The following VPS13C variants were observed in gnomAD, a reference collection of about 807,000 sequenced individuals.
The protein encoded by VPS13C is intermembrane lipid transfer protein VPS13C.
VPS13C carries 358 observed loss-of-function variants against 456.8 expected under a neutral mutation model. The ratio of observed to expected loss-of-function variants is 0.78; its 90% CI spans 0.72 to 0.86. VPS13C has a LOEUF of 0.86. VPS13C is among the 40% of genes least tolerant of loss of function. The pLI is 0.00. For synonymous variants in VPS13C, 1,578 were observed against 1,486.7 expected (o/e 1.06, Z -1.41); for missense variants, 4,818 against 4,385.4 (o/e 1.10, Z -2.79).
chr15:62,038,217 C>T (rs1052507827), intron 3 of VPS13C, among the ~76,000 whole-genome samples: 4 of 152,092 alleles, frequency 2.6e-5, no homozygotes, highest in Non-Finnish European at 5.9e-5. Flanking sequence ...ATCTGGACAT[C>T]AGCCTAGGCA....
intron 53 of VPS13C, among the ~76,000 whole-genome samples, chr15:61,924,224 T>G (rs2043765899): frequency 6.6e-6 from 1 of 152,162 alleles, no homozygotes; most frequent in African/African-American, 2.4e-5. Flanking sequence ...TATTATCAGT[T>G]CTGTCTGGAT....
At chr15:61,959,731 C>T in intron 35 of VPS13C, 136 bp from the exon 36 acceptor site, 1 of 787,080 alleles carries the variant, frequency 1.3e-6, no homozygotes, top group Non-Finnish European at 1.9e-6. Flanking sequence ...ATTTTCAAAA[C>T]TGAACCTATA....
intron 14 of VPS13C, 32 bp downstream of exon 14, chr15:62,008,623 C>G (rs776918421): frequency 1.2e-4 from 181 of 1,480,778 alleles, no homozygotes; most frequent in Non-Finnish European, 1.6e-4. Context: ...ATTATATGTT[C>G]CTCACAAAAC....
chr15:62,047,498 C>G (rs1271569068), intron 1 of VPS13C, among the ~76,000 whole-genome samples: 4 of 151,978 alleles, frequency 2.6e-5, no homozygotes, highest in African/African-American at 7.2e-5. Context: ...TGCATACTTC[C>G]TCTTTGAAAA....
At chr15:61,969,174 C>G in intron 28 of VPS13C, 125 bp downstream of exon 28, 1 of 665,128 alleles carries the variant, frequency 1.5e-6, no homozygotes, top group Non-Finnish European at 2.3e-6. Flanking sequence ...TGAGTTATTA[C>G]TTGTAAAGTG....
In VPS13C at chr15:61,867,686, A is replaced by T; in HGVS notation, c.10863+973T>A. On this transcript the variant is annotated intron_variant, in intron 81 of 84. Transcript: ENST00000644861. The surrounding 1 kb of genome is among the most constrained non-coding windows in gnomAD (Gnocchi z 5.0). ...CTTTCATCTATTAAACGCAGAAGAG[A>T]GCTGATTCTCTGCATCCTTTAATAT... is the stretch of plus-strand genomic sequence containing the variant. 7.6e-7 allele frequency: 1 copy of T among 1,316,586 alleles called. No homozygotes were observed. Among genetic ancestry groups the T allele is most frequent in the Non-Finnish European group, 9.7e-7 (1 of 1,032,860 alleles). 81.6% of individuals were successfully genotyped at this position (1,316,586 alleles called of 1,614,324 possible). A position where few individuals can be genotyped will look rare whatever the true frequency, so the allele number is the denominator to read the frequency against.
chr15:61,911,754 G>A (rs2043307813), intron 63 of VPS13C, 86 bp downstream of exon 63: 1 of 1,188,318 alleles, frequency 8.4e-7, no homozygotes, highest in East Asian at 3.0e-5. Context: ...ATGATAGTCT[G>A]AAAAAGAGGT....
At chr15:61,934,091 G>T in intron 49 of VPS13C, 128 bp downstream of exon 49, 1 of 506,004 alleles carries the variant, frequency 2.0e-6, no homozygotes, top group Non-Finnish European at 3.3e-6. Flanking sequence ...CATTCTGTAG[G>T]CCAAATAGAA....
chr15:61,963,885 C>T lies in VPS13C; in HGVS notation c.3281G>A (p.Cys1094Tyr). 1 of 1,612,434 alleles carries T rather than the reference C, an allele frequency of 6.2e-7. No homozygotes were observed. The highest frequency in any genetic ancestry group is 2.2e-5 in the East Asian group (1 of 44,754). The part of the protein sequence containing the change: ...FRLFAKLNAF[C>Y]VIVCNEKNNI... ...GTTCTTTTCGTTGCAAACAATGACACAGAAAGCATTCAACTTGGCAAATAG... is the reference window on the plus strand; with the variant it reads ...GTTCTTTTCGTTGCAAACAATGACATAGAAAGCATTCAACTTGGCAAATAG... The change falls in exon 32 of 85, where the codon TGT becomes TAT. Residue 1094 changes from cysteine to tyrosine, a missense_variant. Coordinates refer to ENST00000644861, the MANE Select transcript of VPS13C (RefSeq NM_020821.3).
chr15:61,977,970 T>G (rs1433813437), intron 23 of VPS13C, among the ~76,000 whole-genome samples: 1 of 152,040 alleles, frequency 6.6e-6, no homozygotes, highest in Non-Finnish European at 1.5e-5. Context: ...ATAACTGTCC[T>G]TTCCTCTAAT....
chr15:61,986,734 A>T (rs2046068591), intron 18 of VPS13C, among the ~76,000 whole-genome samples: 1 of 152,160 alleles, frequency 6.6e-6, no homozygotes, highest in South Asian at 2.1e-4. Context: ...TAAAAATAGA[A>T]AAATGAGAGA....
intron 1 of VPS13C, among the ~76,000 whole-genome samples, chr15:62,056,164 C>T (rs536061345): frequency 6.6e-6 from 1 of 152,306 alleles, no homozygotes; most frequent in South Asian, 2.1e-4. Context: ...GGCGGCAAGC[C>T]ACCCAGGCGC....
At position 62,007,424 on chromosome 15, in the gene VPS13C, T is replaced by G; in HGVS notation, c.1174A>C (p.Met392Leu). Residue 392 changes from methionine to leucine, a missense_variant, in exon 15 of 85, where the codon ATG becomes CTG. Transcript: ENST00000644861. ...LEVHIRRYTQ[M>L]WSWSNIKKHR... The stretch of plus-strand genomic sequence containing the variant: ...TTTTTTATGTTACTCCATGACCACA[T>G]CTGTGTATACCTTCTTATATGAACT... 1.9e-6 allele frequency: 3 copies of G among 1,612,846 alleles called. No homozygotes were observed. Among genetic ancestry groups the G allele is most frequent in the Non-Finnish European group, 2.5e-6 (3 of 1,179,528 alleles).
chr15:61,962,997 G>C (rs946272505), intron 32 of VPS13C, 145 bp from the exon 33 acceptor site: 3 of 521,216 alleles, frequency 5.8e-6, no homozygotes, highest in Non-Finnish European at 9.8e-6. Context: ...TGCAATATTA[G>C]AGTTTTTTGG....
rs535299280 is a variant in VPS13C at position 61,957,743 on chromosome 15, T to C, written c.4165+865A>G. Among the ~76,000 whole-genome samples, 15 of 152,252 alleles carry C rather than the reference T, an allele frequency of 9.9e-5. No homozygotes were observed. The South Asian group carries it at 2.9e-3, about 29-fold the overall frequency. ...AGAAATATACATACTTGTAAAAGTA[T>C]ATGTATGAGGATATTCAATGCAACA... On this transcript the variant is annotated intron_variant, in intron 37 of 84. Coordinates refer to ENST00000644861, the MANE Select transcript of VPS13C (RefSeq NM_020821.3).
At chr15:61,892,657 A>G (rs1187753042) in intron 66 of VPS13C, among the ~76,000 whole-genome samples, 1 of 152,232 alleles carries the variant, frequency 6.6e-6, no homozygotes, top group African/African-American at 2.4e-5. Context: ...GCAAAGTGCC[A>G]GTGACAAACT....
intron 63 of VPS13C, among the ~76,000 whole-genome samples, 155 bp from the exon 64 acceptor site, chr15:61,910,460 T>G (rs1458972467): frequency 6.6e-6 from 1 of 152,100 alleles, no homozygotes; most frequent in African/African-American, 2.4e-5. Flanking sequence ...GTAAGATTAC[T>G]GACAATATAA....
chr15:62,057,842 T>C (rs929039057), intron 1 of VPS13C, among the ~76,000 whole-genome samples: 7 of 152,242 alleles, frequency 4.6e-5, no homozygotes, highest in Non-Finnish European at 1.5e-5. Context: ...CTCAATGTCA[T>C]GGTAAAACCA....
intron 1 of VPS13C, among the ~76,000 whole-genome samples, chr15:62,058,222 C>G (rs1241941265): frequency 6.6e-6 from 1 of 152,174 alleles, no homozygotes; most frequent in Admixed American, 6.5e-5. Flanking sequence ...GGTGCGTTTT[C>G]AAGTTTCAAA....
Sources: allele counts gnomAD v4.1 joint callset (sites outside exome capture counted in the v4.1 genomes callset), GRCh38; gene constraint gnomAD v4.1.1; non-coding constraint Gnocchi (gnomAD v3.1); transcripts MANE v1.5; gene names NCBI Gene and HGNC (gene_info 2026-07-23, HGNC 2026-07-21).